The following UHRF1 variants were observed in gnomAD, a reference collection of about 807,000 sequenced individuals.
The protein encoded by UHRF1 is E3 ubiquitin-protein ligase UHRF1.
UHRF1 carries 9 observed loss-of-function variants against 96.5 expected under a neutral mutation model. The observed-to-expected ratio is 0.09, with a 90% CI of 0.06 to 0.16. The LOEUF (loss-of-function observed/expected upper bound fraction) is 0.16, where lower values mean the gene tolerates loss of function less well. UHRF1 is among the 10% of genes least tolerant of loss of function. UHRF1 has a pLI of 1.00. For synonymous variants in UHRF1, 455 were observed against 469.9 expected, an observed-to-expected ratio of 0.97 and a Z score of 0.41; for missense variants, 626 against 1,131.1, an observed-to-expected ratio of 0.55 and a Z score of 6.40.
In UHRF1 at chr19:4,958,060, C is replaced by A. The variant is rs566705136; in HGVS notation, c.2235+1247C>A. Among the ~76,000 whole-genome samples, 128 of 152,348 alleles carry A rather than the reference C, an allele frequency of 8.4e-4. 1 individual carries two copies. The highest frequency in any genetic ancestry group is 1.4e-3 in the South Asian group (7 of 4,834). On this transcript the variant is annotated intron_variant, in intron 16 of 16. Coordinates refer to ENST00000650932, the MANE Select transcript of UHRF1 (RefSeq NM_001048201.3). Reference sequence around the variant, plus strand: ...CTCAGACCCCGTGTTTGTTTTCATGCCAGGAGGCAGCTCAGGGAAGGTCAG... The same window carrying A: ...CTCAGACCCCGTGTTTGTTTTCATGACAGGAGGCAGCTCAGGGAAGGTCAG...
At chr19:4,936,818 A>T (rs2033229502) in intron 5 of UHRF1, among the ~76,000 whole-genome samples, 1 of 151,288 alleles carries the variant, frequency 6.6e-6, no homozygotes. Context: ...AAAAAAAAAA[A>T]GTGAAAAGAA....
chr19:4,923,596 CAAACATAGG>C (rs780328716), intron 2 of UHRF1, among the ~76,000 whole-genome samples: 2 of 152,208 alleles, frequency 1.3e-5, no homozygotes, highest in Non-Finnish European at 2.9e-5. Flanking sequence ...ATCGCTGCTG[CAAACATAGG>C]AGGAGCAGCT....
intron 4 of UHRF1, 183 bp from the exon 5 acceptor site, chr19:4,932,558 A>C (rs1252340849): frequency 1.6e-6 from 1 of 639,758 alleles, no homozygotes; most frequent in Non-Finnish European, 2.7e-6. Flanking sequence ...CGGGCAACCC[A>C]TAACAATTTT....
At chr19:4,919,016 C>T (rs915254974) in intron 2 of UHRF1, among the ~76,000 whole-genome samples, 3 of 147,978 alleles carry the variant, frequency 2.0e-5, no homozygotes. Context: ...GCCACTGCTC[C>T]TGACCTCATT....
At chr19:4,933,085 C>T in intron 5 of UHRF1, 129 bp downstream of exon 5, 4 of 1,016,864 alleles carry the variant, frequency 3.9e-6, no homozygotes, top group Non-Finnish European at 5.6e-6. Flanking sequence ...CCTGGCCTTC[C>T]TGCCTCCCCT....
chr19:4,953,896 A>C (rs1284193032), intron 13 of UHRF1, among the ~76,000 whole-genome samples: 1 of 152,112 alleles, frequency 6.6e-6, no homozygotes, highest in Non-Finnish European at 1.5e-5. Flanking sequence ...AAATACAAAA[A>C]TTAGCTGGGT....
intron 5 of UHRF1, among the ~76,000 whole-genome samples, chr19:4,933,595 A>C (rs1287553884): frequency 1.3e-5 from 2 of 152,138 alleles, no homozygotes; most frequent in African/African-American, 4.8e-5. Flanking sequence ...AAAGCACCCA[A>C]GACCACACAT....
intron 2 of UHRF1, among the ~76,000 whole-genome samples, chr19:4,916,641 C>T (rs2032514497): frequency 6.6e-6 from 1 of 151,830 alleles, no homozygotes; most frequent in South Asian, 2.1e-4. Flanking sequence ...GCCGTCCACG[C>T]CACCGCCGCC....
chr19:4,950,813 CG>C, intron 12 of UHRF1, 40 bp downstream of exon 12: 1 of 1,613,920 alleles, frequency 6.2e-7, no homozygotes, highest in Non-Finnish European at 8.5e-7. Context: ...CTGTCCCCGC[CG>C]GGGCTGCCTC....
chr19:4,908,227 G>A (rs1297252939), upstream of UHRF1, among the ~76,000 whole-genome samples: 4 of 152,134 alleles, frequency 2.6e-5, no homozygotes, highest in Non-Finnish European at 4.4e-5. Context: ...ACAGATCCTG[G>A]GGGCGAGGAC....
chr19:4,944,833 G>A (rs1599286529), intron 9 of UHRF1, among the ~76,000 whole-genome samples: 2 of 152,148 alleles, frequency 1.3e-5, no homozygotes, highest in Admixed American at 1.3e-4. Context: ...TGTGTGTCAC[G>A]GCAGACGAGA....
chr19:4,931,809 G>A (rs1312420109), intron 4 of UHRF1, among the ~76,000 whole-genome samples: 5 of 149,128 alleles, frequency 3.4e-5, no homozygotes, highest in Non-Finnish European at 7.4e-5. Context: ...CCCCCAGGCT[G>A]GAGTGCAATG....
chr19:4,941,085 G>GTTTTTTT (rs869250736), intron 5 of UHRF1, among the ~76,000 whole-genome samples: 117 of 50,054 alleles, frequency 2.3e-3, no homozygotes, highest in Non-Finnish European at 3.3e-3. Flanking sequence ...TCTGTGTTTT[G>GTTTTTTT]TTTTTTTTTT....
At chr19:4,923,129 C>A (rs998787238) in intron 2 of UHRF1, among the ~76,000 whole-genome samples, 6 of 152,194 alleles carry the variant, frequency 3.9e-5, no homozygotes, top group Non-Finnish European at 8.8e-5. Flanking sequence ...TGCCCCCCTG[C>A]CTACCCGCCA....
In UHRF1 at chr19:4,960,845, C is replaced by A. The variant is rs970160806; in HGVS notation, c.*42C>A. ...GACAGGCGTTTTGCTGAAAACGTGT[C>A]GGAGGGCTCGTTCATCGGCACTGAT... is the stretch of plus-strand genomic sequence containing the variant. On this transcript the variant is annotated 3_prime_UTR_variant, in exon 17 of 17. Transcript: ENST00000650932. 3 of 1,154,592 alleles carry A rather than the reference C, an allele frequency of 2.6e-6. No individual in the cohort carries two copies. In the East Asian group the frequency reaches 7.8e-5, roughly 30 times the overall value. 71.5% of individuals were successfully genotyped at this position (1,154,592 alleles called of 1,614,324 possible). A position where few individuals can be genotyped will look rare whatever the true frequency, so the allele number is the denominator to read the frequency against.
At chr19:4,904,019 C>T (rs1393376187) in intron 1 of UHRF1, among the ~76,000 whole-genome samples, 3 of 151,948 alleles carry the variant, frequency 2.0e-5, no homozygotes, top group Non-Finnish European at 4.4e-5. Context: ...CTCTGTTGCC[C>T]AGGCTGGAGT....
chr19:4,941,758 G>C lies in UHRF1; in HGVS notation c.900G>C (p.Pro300=). 6.4e-7 allele frequency: 1 copy of C among 1,550,416 alleles called. No individual in the cohort carries two copies. The highest frequency in any genetic ancestry group is 1.2e-5 in the South Asian group (1 of 84,070). Residue 300 remains proline, a synonymous_variant, in exon 7 of 17, where the codon CCG becomes CCC. Transcript: ENST00000650932. Reference sequence around the variant, plus strand: ...CCCCGTGCCCAGGGAAGAGCGGGCCGTCCTGCAAGCACTGCAAGGACGACG... The same window carrying C: ...CCCCGTGCCCAGGGAAGAGCGGGCCCTCCTGCAAGCACTGCAAGGACGACG... The part of the protein sequence containing the change: ...VDNPMRRKSG[P]SCKHCKDDVN...
chr19:4,930,552 G>T lies in UHRF1; in HGVS notation c.409-164G>T, dbSNP rs1023923767. ...CATCCCCGTCACCCCTGCCGGGGCT[G>T]GTTTCTCATGGTCAGCGGTTCCCAG... is the stretch of plus-strand genomic sequence containing the variant. On this transcript the variant is annotated intron_variant, in intron 3 of 16. Coordinates refer to ENST00000650932, the MANE Select transcript of UHRF1 (RefSeq NM_001048201.3). The surrounding 1 kb of genome is among the most constrained non-coding windows in gnomAD (Gnocchi z 4.4). 7.2e-5 allele frequency among the ~76,000 whole-genome samples: 11 copies of T among 152,228 alleles called. No individual in the cohort carries two copies. Among genetic ancestry groups the T allele is most frequent in the East Asian group, 3.8e-4 (2 of 5,196 alleles).
chr19:4,933,361 G>A (rs993004170), intron 5 of UHRF1, among the ~76,000 whole-genome samples: 5 of 152,040 alleles, frequency 3.3e-5, no homozygotes, highest in Non-Finnish European at 7.4e-5. Context: ...GACTACAGGC[G>A]TCTACCACCA....
Sources: allele counts gnomAD v4.1 joint callset (sites outside exome capture counted in the v4.1 genomes callset), GRCh38; gene constraint gnomAD v4.1.1; non-coding constraint Gnocchi (gnomAD v3.1); transcripts MANE v1.5; gene names NCBI Gene and HGNC (gene_info 2026-07-23, HGNC 2026-07-21).